The following POLR3A variants were observed in gnomAD, a reference collection of about 807,000 sequenced individuals.
POLR3A encodes the protein DNA-directed RNA polymerase III subunit RPC1.
In POLR3A, 112 loss-of-function variants were observed where a neutral mutation model predicts 152.8. The ratio of observed to expected loss-of-function variants is 0.73; its 90% CI spans 0.63 to 0.86. POLR3A has a LOEUF of 0.86. Among genes scored for constraint, POLR3A ranks in the 40% least tolerant of loss-of-function variants. The pLI is 0.00. For missense variants in POLR3A, 1,385 were observed against 1,743.1 expected (o/e 0.79, Z 3.66); for synonymous variants, 615 against 652.1 (o/e 0.94, Z 0.87).
At position 77,993,068 on chromosome 10, in the gene POLR3A, C is replaced by T. The variant is rs924296730; in HGVS notation, c.2787+129G>A. ...CAGAGTAACACAAAGAAAAAAGATACTAATCCAGTGCTTGGGATTATAAAT... is the reference window on the plus strand; with the variant it reads ...CAGAGTAACACAAAGAAAAAAGATATTAATCCAGTGCTTGGGATTATAAAT... On this transcript the variant is annotated intron_variant, in intron 20 of 30. Coordinates refer to ENST00000372371, the MANE Select transcript of POLR3A (RefSeq NM_007055.4). 1.6e-5 allele frequency: 13 copies of T among 809,126 alleles called. No homozygotes were observed. The African/African-American group carries it at 2.0e-4, about 13-fold the overall frequency. The allele number at this position is 809,126 out of a possible 1,614,324, so 50.1% of individuals were successfully genotyped here.
At chr10:78,011,838 T>C (rs1001732737) in intron 11 of POLR3A, among the ~76,000 whole-genome samples, 9 of 152,202 alleles carry the variant, frequency 5.9e-5, no homozygotes, top group African/African-American at 1.7e-4. Context: ...AGGAAACTTG[T>C]CCACATGGTA....
At chr10:78,008,069 C>T (rs1461134698) in intron 14 of POLR3A, among the ~76,000 whole-genome samples, 1 of 152,162 alleles carries the variant, frequency 6.6e-6, no homozygotes, top group East Asian at 1.9e-4. Flanking sequence ...ATAGAAACTC[C>T]AGTTAGTGTG....
intron 20 of POLR3A, 21 bp from the exon 21 acceptor site, chr10:77,991,188 T>G: frequency 7.1e-7 from 1 of 1,414,092 alleles, no homozygotes; most frequent in East Asian, 2.3e-5. Context: ...AAAAGAAAAT[T>G]GCATTATGTG....
intron 10 of POLR3A, 133 bp from the exon 11 acceptor site, chr10:78,013,923 T>C (rs1847491395): frequency 1.0e-6 from 1 of 992,614 alleles, no homozygotes; most frequent in East Asian, 2.6e-5. Context: ...TTCCAGTATG[T>C]TCTGTCAAGT....
rs1463628970 is a variant in POLR3A, at chr10:78,021,420, T to C, written c.1185+126A>G. 7.8e-6 allele frequency: 7 copies of C among 895,460 alleles called. No individual in the cohort carries two copies. The East Asian group carries it at 1.8e-4, about 23-fold the overall frequency. 55.5% of individuals were successfully genotyped at this position (895,460 alleles called of 1,614,324 possible). A position where few individuals can be genotyped will look rare whatever the true frequency, so the allele number is the denominator to read the frequency against. On this transcript the variant is annotated intron_variant, in intron 8 of 30. Coordinates refer to ENST00000372371, the MANE Select transcript of POLR3A (RefSeq NM_007055.4). ...CAAACTGGGAAGACACATACACTCATATAAACCAAACTGTGGGTTGAGTGG... is the reference window on the plus strand; with the variant it reads ...CAAACTGGGAAGACACATACACTCACATAAACCAAACTGTGGGTTGAGTGG...
chr10:78,001,911 A>G (rs934136265), intron 17 of POLR3A, among the ~76,000 whole-genome samples: 9 of 152,230 alleles, frequency 5.9e-5, no homozygotes, highest in Non-Finnish European at 8.8e-5. Context: ...CAGCCTCCCA[A>G]AGTGCTGGGA....
At chr10:77,983,453 G>A (rs1366497784) in intron 26 of POLR3A, among the ~76,000 whole-genome samples, 1 of 152,232 alleles carries the variant, frequency 6.6e-6, no homozygotes, top group African/African-American at 2.4e-5. Context: ...CTGTTTGTGA[G>A]AAAGGCTGAT....
intron 18 of POLR3A, 94 bp from the exon 19 acceptor site, chr10:78,000,212 G>T: frequency 9.5e-7 from 1 of 1,049,572 alleles, no homozygotes; most frequent in African/African-American, 1.6e-5. Flanking sequence ...CCCACCTTGA[G>T]ACTATAAATA....
intron 19 of POLR3A, among the ~76,000 whole-genome samples, chr10:77,999,705 A>T (rs1000774156): frequency 1.3e-5 from 2 of 152,198 alleles, no homozygotes; most frequent in East Asian, 3.8e-4. Context: ...GTTGAATGAC[A>T]TATCCCACAA....
chr10:78,025,323 C>A (rs1207623078), intron 3 of POLR3A, among the ~76,000 whole-genome samples, 181 bp from the exon 4 acceptor site: 1 of 152,194 alleles, frequency 6.6e-6, no homozygotes, highest in African/African-American at 2.4e-5. Flanking sequence ...TAGCAGTACT[C>A]ACAGCCAGTA....
chr10:77,991,097 A>C lies in POLR3A; in HGVS notation c.2858T>G (p.Met953Arg), dbSNP rs1438104235. 1.9e-6 allele frequency: 3 copies of C among 1,613,686 alleles called. No individual in the cohort carries two copies. The highest frequency in any genetic ancestry group is 2.5e-6 in the Non-Finnish European group (3 of 1,179,564). Reference sequence around the variant, plus strand: ...GCAGCAGAGGAACTCACTCTTCTTCATGATGGACTCTGTGGTCAGGATCAG... The same window carrying C: ...GCAGCAGAGGAACTCACTCTTCTTCCTGATGGACTCTGTGGTCAGGATCAG... ...NELILTTESI[M>R]KKSEFLCCQD... is the part of the protein sequence containing the mutation. Residue 953 changes from methionine to arginine, a missense_variant, in exon 21 of 31, where the codon ATG becomes AGG. Physicochemically the swap from Met to Arg is moderately conservative, Grantham distance 91. Around this residue, in one of 7 missense-constraint regions of POLR3A, gnomAD observed 178 missense variants for 204.6 expected, o/e 0.87. Transcript: ENST00000372371.
rs573600468 is a variant in POLR3A at position 78,024,448 on chromosome 10, G to A, written c.645+101C>T. ...CCTCTCATTTTGGAAGAAAGTGGGTGTCTAGGGGTGGGGCGGAGTTGGGGG... is the reference window on the plus strand; with the variant it reads ...CCTCTCATTTTGGAAGAAAGTGGGTATCTAGGGGTGGGGCGGAGTTGGGGG... On this transcript the variant is annotated intron_variant, in intron 5 of 30. Coordinates refer to ENST00000372371, the MANE Select transcript of POLR3A (RefSeq NM_007055.4). 11 of 1,184,630 alleles carry A rather than the reference G, an allele frequency of 9.3e-6. No homozygotes were observed. The Admixed American group carries it at 9.8e-5, about 11-fold the overall frequency. 73.4% of individuals were successfully genotyped at this position (1,184,630 alleles called of 1,614,324 possible).
chr10:78,027,244 G>A (rs1847645889), intron 1 of POLR3A, among the ~76,000 whole-genome samples: 1 of 152,236 alleles, frequency 6.6e-6, no homozygotes, highest in African/African-American at 2.4e-5. Context: ...GCATTTTCAA[G>A]GAACCAAATG....
chr10:78,021,361 T>C, intron 8 of POLR3A, among the ~76,000 whole-genome samples, 185 bp downstream of exon 8: 1 of 152,112 alleles, frequency 6.6e-6, no homozygotes, highest in East Asian at 1.9e-4. Flanking sequence ...CTGCAAATGG[T>C]TTACAGAATA....
intron 30 of POLR3A, among the ~76,000 whole-genome samples, chr10:77,978,190 A>G (rs1245761949): frequency 1.3e-5 from 2 of 152,180 alleles, no homozygotes; most frequent in African/African-American, 2.4e-5. Flanking sequence ...CAGGGCACCT[A>G]TAGAGTTACA....
intron 10 of POLR3A, among the ~76,000 whole-genome samples, chr10:78,017,110 G>A (rs1455562698): frequency 6.6e-6 from 1 of 152,022 alleles, no homozygotes; most frequent in Non-Finnish European, 1.5e-5. Flanking sequence ...TAAAATGTGA[G>A]AGAAGAGGGA....
At chr10:77,980,418 C>A (rs192681455) in intron 29 of POLR3A, 145 bp from the exon 30 acceptor site, 19 of 745,934 alleles carry the variant, frequency 2.5e-5, no homozygotes, top group Non-Finnish European at 4.7e-6. Context: ...GCTATGGGTC[C>A]GCCCTCTGTG....
intron 27 of POLR3A, 98 bp downstream of exon 27, chr10:77,982,555 A>T: frequency 8.9e-7 from 1 of 1,127,120 alleles, no homozygotes; most frequent in Non-Finnish European, 1.3e-6. Context: ...AGAAGAAATT[A>T]AGAAATCGGA....
chr10:78,001,610 T>G (rs1389493525), intron 17 of POLR3A, among the ~76,000 whole-genome samples: 1 of 152,126 alleles, frequency 6.6e-6, no homozygotes, highest in Non-Finnish European at 1.5e-5. Context: ...TTGAATGCAT[T>G]ATCATAAAAC....
Sources: gnomAD v4.1 joint callset for allele counts (sites outside exome capture counted in the v4.1 genomes callset) on GRCh38, gnomAD v4.1.1 for gene constraint, gnomAD v4.1.1 regional missense constraint, MANE v1.5 for transcripts, NCBI Gene and HGNC (gene_info 2026-07-23, HGNC 2026-07-21) for gene names.